RNPC3: variants seen among roughly 807,000 people sequenced by gnomAD.
RNPC3 encodes RNA-binding region-containing protein 3.
RNPC3 carries 48 observed loss-of-function variants against 67.5 expected under a neutral mutation model. The observed-to-expected ratio is 0.71, with a 90% CI of 0.56 to 0.90. RNPC3 has a LOEUF of 0.90. Among genes scored for constraint, RNPC3 ranks in the 40% least tolerant of loss-of-function variants. The probability of loss-of-function intolerance (pLI) is 0.00; values close to 1 mark genes in which losing one functional copy is unlikely to be tolerated. For synonymous variants in RNPC3, 239 were observed against 210.3 expected, an observed-to-expected ratio of 1.14 and a Z score of -1.18; for missense variants, 637 against 626.1, an observed-to-expected ratio of 1.02 and a Z score of -0.19.
intron 2 of RNPC3, among the ~76,000 whole-genome samples, chr1:103,531,652 A>AT (rs1650862025): frequency 6.6e-6 from 1 of 151,756 alleles, no homozygotes; most frequent in Non-Finnish European, 1.5e-5. Context: ...TATTTTGAGA[A>AT]TTGTCTATTC....
At chr1:103,538,935 A>G (rs537282929) in intron 7 of RNPC3, among the ~76,000 whole-genome samples, 3 of 152,332 alleles carry the variant, frequency 2.0e-5, no homozygotes, top group African/African-American at 7.2e-5. Context: ...AGGAATTGCC[A>G]AACTGTTTCT....
Position 103,550,926 on chromosome 1 carries a change from G to T in RNPC3, c.1362-15G>T. 6.2e-7 allele frequency: 1 copy of T among 1,608,050 alleles called. No individual in the cohort carries two copies. The highest frequency in any genetic ancestry group is 8.5e-7 in the Non-Finnish European group (1 of 1,178,086). ...AACTGACATTCTTTGAATCAAAACT[G>T]TTTCTTCCTTCTAGGTTTGATATAC... On this transcript the variant is annotated splice_polypyrimidine_tract_variant and intron_variant, in intron 12 of 14. Transcript: ENST00000423855.
chr1:103,547,721 A>G (rs1051845632), intron 12 of RNPC3, among the ~76,000 whole-genome samples: 2 of 152,230 alleles, frequency 1.3e-5, no homozygotes, highest in Admixed American at 6.5e-5. Flanking sequence ...TGTAAAAGCA[A>G]AAGAGAGGGT....
intron 8 of RNPC3, among the ~76,000 whole-genome samples, chr1:103,542,298 G>T (rs1262062773): frequency 2.6e-4 from 40 of 151,946 alleles, no homozygotes; most frequent in Admixed American, 2.6e-3. Flanking sequence ...CAAAAATTAG[G>T]CAGGGAAACT....
rs1650942247 is a variant in RNPC3 at position 103,534,817 on chromosome 1, G to A, written c.403G>A (p.Gly135Ser). The A allele has an allele frequency of 6.5e-7, 1 of 1,531,756 alleles. No homozygotes were observed. Among genetic ancestry groups the A allele is most frequent in the Non-Finnish European group, 8.7e-7 (1 of 1,144,448 alleles). The allele number at this position is 1,531,756 out of a possible 1,614,324, so 94.9% of individuals were successfully genotyped here. Residue 135 changes from glycine (G) to serine (S), a missense_variant, in exon 4 of 15, where the codon GGT becomes AGT. Transcript: ENST00000423855. ...AGATGATAAAGAAAAAAAAGAACTTGGTTATTTAACAGTAGAAAATGGAAT... is the reference window on the plus strand; with the variant it reads ...AGATGATAAAGAAAAAAAAGAACTTAGTTATTTAACAGTAGAAAATGGAAT... ...VEDDKEKKEL[G>S]YLTVENGIAP...
chr1:103,528,763 A>T (rs1650773942), intron 2 of RNPC3, among the ~76,000 whole-genome samples: 1 of 152,196 alleles, frequency 6.6e-6, no homozygotes. Flanking sequence ...TGCCCAAAGG[A>T]TAATAAGCTA....
rs147591500 is a variant in RNPC3 at position 103,541,159 on chromosome 1, C to T, written c.768-191C>T. Among the ~76,000 whole-genome samples, 14 of 152,134 alleles carry T rather than the reference C, an allele frequency of 9.2e-5. No homozygotes were observed. In the East Asian group the frequency reaches 2.3e-3, roughly 25 times the overall value. ...TAAGTAAGATGAAAGCTAAGCAAGG[C>T]AATTTAGTATTTGAGCTTTTATCAA... On this transcript the variant is annotated intron_variant, in intron 7 of 14. Coordinates refer to ENST00000423855, the MANE Select transcript of RNPC3 (RefSeq NM_017619.4).
At chr1:103,551,334 T>C in intron 13 of RNPC3, 1 of 423,450 alleles carries the variant, frequency 2.4e-6, no homozygotes, top group South Asian at 3.9e-5. Context: ...TACATAGGCA[T>C]GCTAAGAGAC....
At chr1:103,549,950 G>A (rs1004590323) in intron 12 of RNPC3, among the ~76,000 whole-genome samples, 4 of 151,498 alleles carry the variant, frequency 2.6e-5, no homozygotes, top group African/African-American at 9.7e-5. Flanking sequence ...GATCACTTGA[G>A]GTCAGGAGTT....
intron 8 of RNPC3, among the ~76,000 whole-genome samples, chr1:103,541,756 T>C (rs1259932815): frequency 6.6e-6 from 1 of 152,090 alleles, no homozygotes; most frequent in African/African-American, 2.4e-5. Flanking sequence ...ATTCATTTAC[T>C]TTCCTTTTAT....
At chr1:103,540,649 T>A (rs2101048038) in intron 7 of RNPC3, among the ~76,000 whole-genome samples, 1 of 152,328 alleles carries the variant, frequency 6.6e-6, no homozygotes, top group African/African-American at 2.4e-5. Flanking sequence ...CTCTTTTGTA[T>A]TTTGTTGTGT....
chr1:103,541,220 T>C, intron 7 of RNPC3, 130 bp from the exon 8 acceptor site: 3 of 596,582 alleles, frequency 5.0e-6, no homozygotes, highest in Non-Finnish European at 7.9e-6. Context: ...TTCTATATAT[T>C]TGATGTAAGT....
intron 12 of RNPC3, among the ~76,000 whole-genome samples, chr1:103,550,561 A>G (rs1651363746): frequency 6.6e-6 from 1 of 150,794 alleles, no homozygotes; most frequent in Non-Finnish European, 1.5e-5. Flanking sequence ...GAATGGCGTG[A>G]ACCTGGGAGA....
chr1:103,534,230 C>T (rs187594014), intron 3 of RNPC3, among the ~76,000 whole-genome samples: 102 of 152,066 alleles, frequency 6.7e-4, no homozygotes, highest in African/African-American at 2.4e-3. Flanking sequence ...TACAGCTTCA[C>T]AAATTTGCTT....
In RNPC3 at chr1:103,527,743, G is replaced by GTA; in HGVS notation, c.240+3_240+4dup. On this transcript the variant is annotated splice_donor_variant, in intron 2 of 14. Coordinates refer to ENST00000423855, the MANE Select transcript of RNPC3 (RefSeq NM_017619.4). LOFTEE classifies it high-confidence loss of function. Reference sequence around the variant, plus strand: ...CCCTAATGAAAAAGCAGCTATAAAGGTATGACTTTTTCTTGACGATTAAAG... The same window carrying GTA: ...CCCTAATGAAAAAGCAGCTATAAAGGTATATGACTTTTTCTTGACGATTAAAG... The GTA allele has an allele frequency of 2.6e-6, 4 of 1,544,702 alleles. No individual in the cohort carries two copies. The highest frequency in any genetic ancestry group is 3.5e-6 in the Non-Finnish European group (4 of 1,141,492).
chr1:103,533,560 G>A (rs1650911151), intron 2 of RNPC3, among the ~76,000 whole-genome samples, 179 bp from the exon 3 acceptor site: 1 of 151,618 alleles, frequency 6.6e-6, no homozygotes, highest in Non-Finnish European at 1.5e-5. Flanking sequence ...CTAAGTTATA[G>A]GAAGTAGTCC....
At chr1:103,533,518 A>G (rs936763449) in intron 2 of RNPC3, among the ~76,000 whole-genome samples, 1 of 152,080 alleles carries the variant, frequency 6.6e-6, no homozygotes, top group Non-Finnish European at 1.5e-5. Context: ...CAGAGCTGGC[A>G]TAAAGTGGGA....
intron 9 of RNPC3, among the ~76,000 whole-genome samples, 184 bp downstream of exon 9, chr1:103,543,631 C>T (rs1191045189): frequency 2.0e-5 from 3 of 151,666 alleles, no homozygotes; most frequent in South Asian, 2.1e-4. Context: ...TGATGGTAAA[C>T]GGTGAGATTG....
intron 2 of RNPC3, among the ~76,000 whole-genome samples, chr1:103,532,850 A>G (rs1650892717): frequency 6.6e-6 from 1 of 152,076 alleles, no homozygotes; most frequent in Non-Finnish European, 1.5e-5. Context: ...TAAACTTATT[A>G]AAGCATTAAC....
Sources: gnomAD v4.1 joint callset for allele counts (sites outside exome capture counted in the v4.1 genomes callset) on GRCh38, gnomAD v4.1.1 for gene constraint, MANE v1.5 for transcripts, NCBI Gene and HGNC (gene_info 2026-07-23, HGNC 2026-07-21) for gene names.